LMF1: variants seen among roughly 807,000 people sequenced by gnomAD.
The protein encoded by LMF1 is transmembrane protein 112.
A neutral mutation model predicts 60.6 loss-of-function variants in LMF1; 68 were observed. That is an observed-to-expected ratio of 1.12 (90% CI 0.92 to 1.37). The LOEUF (loss-of-function observed/expected upper bound fraction) is 1.37, where lower values mean the gene tolerates loss of function less well. LMF1 is among the 40% of genes most tolerant of loss of function. The probability of loss-of-function intolerance (pLI) is 0.00; values close to 1 mark genes in which losing one functional copy is unlikely to be tolerated. For synonymous variants in LMF1, 418 were observed against 324.7 expected, an observed-to-expected ratio of 1.29 and a Z score of -3.09; for missense variants, 948 against 767.2, an observed-to-expected ratio of 1.24 and a Z score of -2.78.
intron 5 of LMF1, among the ~76,000 whole-genome samples, chr16:891,657 G>C (rs2070492947): frequency 6.6e-6 from 1 of 152,174 alleles, no homozygotes; most frequent in African/African-American, 2.4e-5. Flanking sequence ...GACCCGTCCT[G>C]AGGGTGATGG....
At chr16:882,474 G>C (rs958004757) in intron 5 of LMF1, among the ~76,000 whole-genome samples, 12 of 152,244 alleles carry the variant, frequency 7.9e-5, no homozygotes, top group African/African-American at 2.4e-4. Flanking sequence ...CATGTGGCAA[G>C]GCCACCGGGA....
At chr16:942,148 G>A (rs1878411094) in intron 2 of LMF1, among the ~76,000 whole-genome samples, 1 of 152,154 alleles carries the variant, frequency 6.6e-6, no homozygotes, top group Non-Finnish European at 1.5e-5. Flanking sequence ...TCTTTATTTT[G>A]CTTTTGTTTT....
chr16:887,896 G>T (rs752930846), intron 5 of LMF1, among the ~76,000 whole-genome samples: 1 of 152,162 alleles, frequency 6.6e-6, no homozygotes, highest in Non-Finnish European at 1.5e-5. Flanking sequence ...GCAGGCTGCC[G>T]GCCACAGGCT....
chr16:864,092 G>GTTCTT (rs1171956707), intron 10 of LMF1, among the ~76,000 whole-genome samples: 1 of 152,144 alleles, frequency 6.6e-6, no homozygotes, highest in African/African-American at 2.4e-5. Flanking sequence ...TCTCCTTTCA[G>GTTCTT]TTCTTTTTCT....
In LMF1 at chr16:880,904, C is replaced by G. The variant is rs569389614; in HGVS notation, c.730-1167G>C. Among the ~76,000 whole-genome samples the G allele has an allele frequency of 2.0e-5, 3 of 152,366 alleles. No individual in the cohort carries two copies. The East Asian group carries it at 5.8e-4, about 29-fold the overall frequency. Reference sequence around the variant, plus strand: ...CTGCTTGCCTTTGTGGAGGGGCCTGCCCGCATGCTGCTCAGGGCTGAAGGC... The same window carrying G: ...CTGCTTGCCTTTGTGGAGGGGCCTGGCCGCATGCTGCTCAGGGCTGAAGGC... On this transcript the variant is annotated intron_variant, in intron 5 of 10. Coordinates refer to ENST00000262301, the MANE Select transcript of LMF1 (RefSeq NM_022773.4).
intron 3 of LMF1, among the ~76,000 whole-genome samples, chr16:914,758 ATTCCCTCC>A (rs2071232281): frequency 2.7e-4 from 1 of 3,750 alleles, no homozygotes; most frequent in African/African-American, 1.4e-3. Context: ...TTGGTGACAC[ATTCCCTCC>A]CTCCCTCCCT....
intron 3 of LMF1, among the ~76,000 whole-genome samples, chr16:927,669 G>C (rs72759466): frequency 6.6e-6 from 1 of 152,188 alleles, no homozygotes; most frequent in East Asian, 1.9e-4. Context: ...GCCTGGTGCA[G>C]CCCAGGCGGA....
intron 3 of LMF1, among the ~76,000 whole-genome samples, chr16:928,990 G>T (rs2071692319): frequency 6.6e-6 from 1 of 152,214 alleles, no homozygotes; most frequent in South Asian, 2.1e-4. Context: ...TGAGCCAGAG[G>T]AAGCCCTGCC....
rs1021461518 is a variant in LMF1 at position 979,555 on chromosome 16, C to T, written c.-135+1590G>A. 7 of 438,816 alleles carry T rather than the reference C, an allele frequency of 1.6e-5. No individual in the cohort carries two copies. In the Admixed American group the frequency reaches 1.7e-4, roughly 10 times the overall value. The allele number at this position is 438,816 out of a possible 1,614,324, so 27.2% of individuals were successfully genotyped here. A position where few individuals can be genotyped will look rare whatever the true frequency, so the allele number is the denominator to read the frequency against. Reference sequence around the variant, plus strand: ...CCAGAGTCAGGGCCTGGATGCCACTCCCCAACCTCAGTCTCCCTTCCTCCA... The same window carrying T: ...CCAGAGTCAGGGCCTGGATGCCACTTCCCAACCTCAGTCTCCCTTCCTCCA... On this transcript the variant is annotated intron_variant, in intron 1 of 6. Transcript: ENST00000570014.
At chr16:975,843 G>A (rs1404663029), upstream of LMF1, 4 of 454,026 alleles carry the variant, frequency 8.8e-6, no homozygotes, top group South Asian at 1.6e-5. Flanking sequence ...GGAGGTCAGG[G>A]CCTGGGCGGC....
rs375281437 is a variant in LMF1, at chr16:888,926, C to G, written c.729+4081G>C. Among the ~76,000 whole-genome samples the G allele has an allele frequency of 2.0e-3, 308 of 152,324 alleles. 2 individuals are homozygous for G. Among genetic ancestry groups the G allele is most frequent in the African/African-American group, 6.9e-3 (287 of 41,562 alleles). ...AGCTGGGACAGGAGCTGCATCCCCCCTCTCCTGTGCTGCGCTGGCCCTGGG... is the reference window on the plus strand; with the variant it reads ...AGCTGGGACAGGAGCTGCATCCCCCGTCTCCTGTGCTGCGCTGGCCCTGGG... On this transcript the variant is annotated intron_variant, in intron 5 of 10. Coordinates refer to ENST00000262301, the MANE Select transcript of LMF1 (RefSeq NM_022773.4).
chr16:947,780 C>T (rs1216845295), intron 2 of LMF1: 229 of 352,032 alleles, frequency 6.5e-4, no homozygotes, highest in Admixed American at 2.6e-3. Flanking sequence ...TCAGAGCCAA[C>T]GACAGAGTCA....
At chr16:954,059 A>ACCCCACAC (rs1567312799) in intron 2 of LMF1, among the ~76,000 whole-genome samples, 1 of 140,702 alleles carries the variant, frequency 7.1e-6, no homozygotes, top group African/African-American at 2.5e-5. Context: ...CCACACAGAC[A>ACCCCACAC]CAGACCCACT....
At chr16:920,677 C>T (rs1314411439) in intron 3 of LMF1, among the ~76,000 whole-genome samples, 1 of 152,098 alleles carries the variant, frequency 6.6e-6, no homozygotes, top group East Asian at 1.9e-4. Context: ...CATGGGGCAA[C>T]CCCCCCAAAT....
At chr16:917,808 C>T (rs533078882) in intron 3 of LMF1, among the ~76,000 whole-genome samples, 4 of 152,364 alleles carry the variant, frequency 2.6e-5, no homozygotes, top group East Asian at 1.9e-4. Context: ...CTCCTTCCCT[C>T]CTCTGGGATT....
chr16:904,446 G>T (rs2070916549), intron 4 of LMF1, among the ~76,000 whole-genome samples: 1 of 105,206 alleles, frequency 9.5e-6, no homozygotes, highest in African/African-American at 4.2e-5. Flanking sequence ...TGCACTGCCT[G>T]TGGGGACGCC....
At chr16:901,546 G>A (rs1263625579) in intron 4 of LMF1, 1 of 152,260 alleles carries the variant, frequency 6.6e-6, no homozygotes, top group East Asian at 1.9e-4. Flanking sequence ...GCTGTGACTT[G>A]ATGGCCACGC....
chr16:868,439 C>T (rs1596855367), intron 10 of LMF1, among the ~76,000 whole-genome samples: 1 of 152,200 alleles, frequency 6.6e-6, no homozygotes, highest in Non-Finnish European at 1.5e-5. Flanking sequence ...ACCTCTGGCT[C>T]CTGAGAATCT....
intron 1 of LMF1, among the ~76,000 whole-genome samples, chr16:967,618 C>T (rs2072951918): frequency 1.3e-5 from 2 of 152,346 alleles, no homozygotes; most frequent in Admixed American, 6.5e-5. Context: ...CTGGGAGTGA[C>T]ATCTGTGCTG....
Sources: gnomAD v4.1 joint callset for allele counts (sites outside exome capture counted in the v4.1 genomes callset) on GRCh38, gnomAD v4.1.1 for gene constraint, MANE v1.5 for transcripts, NCBI Gene and HGNC (gene_info 2026-07-23, HGNC 2026-07-21) for gene names.